PWP1: variants seen among roughly 807,000 people sequenced by gnomAD.
PWP1 encodes the protein PWP1 homolog, endonuclein.
A neutral mutation model predicts 69.9 loss-of-function variants in PWP1; 47 were observed. That is an observed-to-expected ratio of 0.67 (90% CI 0.53 to 0.86). The LOEUF (loss-of-function observed/expected upper bound fraction) is 0.86. Ranked by LOEUF, PWP1 falls within the 40% of genes least tolerant of loss-of-function variation. The pLI is 0.00. For missense variants in PWP1, 551 were observed against 608.8 expected (o/e 0.91, Z 1.00); for synonymous variants, 222 against 208.2 (o/e 1.07, Z -0.57).
chr12:107,691,735 A>G (rs1889483108), intron 3 of PWP1, among the ~76,000 whole-genome samples: 2 of 152,134 alleles, frequency 1.3e-5, no homozygotes, highest in Non-Finnish European at 2.9e-5. Flanking sequence ...TCCTCACTCC[A>G]TCTGAATTGA....
chr12:107,702,744 A>G (rs561171729), intron 8 of PWP1, among the ~76,000 whole-genome samples, 191 bp from the exon 9 acceptor site: 48 of 152,298 alleles, frequency 3.2e-4, no homozygotes, highest in Non-Finnish European at 5.7e-4. Flanking sequence ...GTTTCTTTCC[A>G]CTTATTTAGA....
chr12:107,702,859 T>G, intron 8 of PWP1, 76 bp from the exon 9 acceptor site: 1 of 897,928 alleles, frequency 1.1e-6, no homozygotes, highest in Non-Finnish European at 1.9e-6. Context: ...GATGCTATTG[T>G]AAATGCAATC....
chr12:107,711,126 G>A (rs1475211698), intron 14 of PWP1, among the ~76,000 whole-genome samples: 1 of 152,180 alleles, frequency 6.6e-6, no homozygotes, highest in Non-Finnish European at 1.5e-5. Flanking sequence ...TTAACTAAAA[G>A]TATCCCTTAT....
chr12:107,706,735 C>G (rs901828588), intron 11 of PWP1, among the ~76,000 whole-genome samples: 3 of 152,134 alleles, frequency 2.0e-5, no homozygotes, highest in African/African-American at 7.2e-5. Flanking sequence ...TTTCTGAGGG[C>G]TCTGTTCTGT....
At chr12:107,701,506 T>C (rs752164567) in intron 8 of PWP1, among the ~76,000 whole-genome samples, 8 of 152,230 alleles carry the variant, frequency 5.3e-5, no homozygotes, top group Non-Finnish European at 1.0e-4. Flanking sequence ...TAGCAAACCA[T>C]CGCTTAAGTC....
At position 107,692,831 on chromosome 12, in the gene PWP1, G is replaced by C; in HGVS notation, c.337G>C (p.Glu113Gln). 1 of 1,613,160 alleles carries C rather than the reference G, an allele frequency of 6.2e-7. No homozygotes were observed. Among genetic ancestry groups the C allele is most frequent in the Non-Finnish European group, 8.5e-7 (1 of 1,179,536 alleles). ...EGDPDAETLG[E>Q]SLLGLTVYGS... ...TCTTACAGATGCTGAGACTCTTGGTGAATCTCTCTTGGGTCTTACGGTCTA... is the reference window on the plus strand; with the variant it reads ...TCTTACAGATGCTGAGACTCTTGGTCAATCTCTCTTGGGTCTTACGGTCTA... The change falls in exon 4 of 15, where the codon GAA (glutamate) becomes CAA (glutamine). Residue 113 changes from glutamate (E) to glutamine (Q), a missense_variant. Physicochemically the swap from Glu to Gln is conservative, Grantham distance 29 (BLOSUM62 2). Transcript: ENST00000412830.
Position 107,697,560 on chromosome 12 carries a change from G to T in PWP1, c.707G>T (p.Ser236Ile), listed in dbSNP as rs749581735. The T allele has an allele frequency of 2.0e-5, 32 of 1,606,650 alleles. No homozygotes were observed. The highest frequency in any genetic ancestry group is 4.2e-6 in the Non-Finnish European group (5 of 1,177,694). The change falls in exon 7 of 15, where the codon AGT (serine) becomes ATT (isoleucine). Residue 236 changes from serine (S) to isoleucine (I), a missense_variant. Coordinates refer to ENST00000412830, the MANE Select transcript of PWP1 (RefSeq NM_007062.3). Reference sequence around the variant, plus strand: ...TTAGAGCCAGTCTTCACACTCGGAAGTAAACTTTCAAAAAAGAAGAAAAAG... The same window carrying T: ...TTAGAGCCAGTCTTCACACTCGGAATTAAACTTTCAAAAAAGAAGAAAAAG... ...DSLEPVFTLG[S>I]KLSKKKKKKG...
rs1203501895 is a variant in PWP1 at position 107,712,194 on chromosome 12, A to C, written c.1480A>C (p.Ser494Arg). Residue 494 changes from serine to arginine, a missense_variant, in exon 15 of 15, where the codon AGC (serine) becomes CGC (arginine). Ser to Arg is a moderately radical substitution (Grantham distance 110). Coordinates refer to ENST00000412830, the MANE Select transcript of PWP1 (RefSeq NM_007062.3). ...SSISGPFGSR[S>R]SDTPMES is the part of the protein sequence containing the mutation. Reference sequence around the variant, plus strand: ...TATTAGTGGCCCTTTTGGCAGCAGGAGCTCAGATACACCCATGGAGTCTTA... The same window carrying C: ...TATTAGTGGCCCTTTTGGCAGCAGGCGCTCAGATACACCCATGGAGTCTTA... 6.2e-7 allele frequency: 1 copy of C among 1,613,640 alleles called. No homozygotes were observed. The highest frequency in any genetic ancestry group is 1.3e-5 in the African/African-American group (1 of 75,030).
chr12:107,694,690 T>C (rs1889548448), intron 5 of PWP1, among the ~76,000 whole-genome samples: 1 of 152,240 alleles, frequency 6.6e-6, no homozygotes, highest in Admixed American at 6.5e-5. Context: ...TATTAGAGTT[T>C]TTTTTGTCAT....
At chr12:107,685,994 C>A (rs781179045) in intron 1 of PWP1, 23 bp downstream of exon 1, 1 of 1,612,474 alleles carries the variant, frequency 6.2e-7, no homozygotes, top group Non-Finnish European at 8.5e-7. Context: ...CGCTGGGAGA[C>A]AAGGGGAGCA....
At position 107,712,899 on chromosome 12, in the gene PWP1, T is replaced by A. The variant is rs1458388433; in HGVS notation, c.*679T>A. 2 of 152,224 alleles carry A rather than the reference T, an allele frequency of 1.3e-5. No individual in the cohort carries two copies. The highest frequency in any genetic ancestry group is 2.9e-5 in the Non-Finnish European group (2 of 68,044). 9.4% of individuals were successfully genotyped at this position (152,224 alleles called of 1,614,324 possible). A position where few individuals can be genotyped will look rare whatever the true frequency, so the allele number is the denominator to read the frequency against. On this transcript the variant is annotated 3_prime_UTR_variant, in exon 15 of 15. Transcript: ENST00000412830. The stretch of plus-strand genomic sequence containing the variant: ...GCTCTCCACCTAACAAGGGACAGTT[T>A]TAATTATAGATTGTCTTCCTATTAA...
chr12:107,711,994 T>C (rs1889961670), intron 14 of PWP1, 117 bp from the exon 15 acceptor site: 2 of 714,732 alleles, frequency 2.8e-6, no homozygotes, highest in Non-Finnish European at 4.7e-6. Context: ...TCTGAGTTGG[T>C]TACTCACTTT....
intron 13 of PWP1, among the ~76,000 whole-genome samples, 196 bp downstream of exon 13, chr12:107,709,428 T>TG (rs1889897685): frequency 6.6e-6 from 1 of 152,126 alleles, no homozygotes; most frequent in South Asian, 2.1e-4. Flanking sequence ...ATTCAGTGAC[T>TG]GGTTCTTTTC....
rs922754947 is a variant in PWP1 at position 107,688,855 on chromosome 12, C to T, written c.319+53C>T. On this transcript the variant is annotated intron_variant, in intron 3 of 14. Transcript: ENST00000412830. ...TAATTACAAGCTCAATATGTTGGAT[C>T]ATGTTTGTGGTGTTCCAAAGCTTTA... The T allele has an allele frequency of 7.8e-6, 12 of 1,531,734 alleles. No individual in the cohort carries two copies. In the Admixed American group the frequency reaches 1.1e-4, roughly 14 times the overall value. 94.9% of individuals were successfully genotyped at this position (1,531,734 alleles called of 1,614,324 possible).
At position 107,703,914 on chromosome 12, in the gene PWP1, C is replaced by T. The variant is rs148117877; in HGVS notation, c.965+168C>T. ...TAACTCTGGTCCTTTCAGTCTACAA[C>T]GGAACATGATTCTGTCATAATAATA... On this transcript the variant is annotated intron_variant, in intron 10 of 14. Transcript: ENST00000412830. 6.7e-4 allele frequency among the ~76,000 whole-genome samples: 102 copies of T among 152,308 alleles called. 1 individual carries two copies. The highest frequency in any genetic ancestry group is 2.2e-3 in the African/African-American group (93 of 41,562).
At chr12:107,709,044 TTTC>T in intron 12 of PWP1, 28 bp downstream of exon 12, 5 of 1,613,618 alleles carry the variant, frequency 3.1e-6, no homozygotes, top group Non-Finnish European at 4.2e-6. Context: ...TTCTTTCATT[TTTC>T]TTAACTTATG....
In PWP1 at chr12:107,709,146, G is replaced by A. The variant is rs992666695; in HGVS notation, c.1204G>A (p.Val402Met). ...DLSSQIKGCL[V>M]TASADKYVKI... Reference sequence around the variant, plus strand: ...TAGCAGTCAAATCAAGGGCTGTCTCGTGACTGCTTCAGCTGACAAATACGT... The same window carrying A: ...TAGCAGTCAAATCAAGGGCTGTCTCATGACTGCTTCAGCTGACAAATACGT... Residue 402 changes from valine (V) to methionine (M), a missense_variant, in exon 13 of 15, where the codon GTG (valine) becomes ATG (methionine). Physicochemically the swap from Val to Met is conservative, Grantham distance 21 (BLOSUM62 1). Coordinates refer to ENST00000412830, the MANE Select transcript of PWP1 (RefSeq NM_007062.3). 1.9e-5 allele frequency: 31 copies of A among 1,613,748 alleles called. No individual in the cohort carries two copies. The highest frequency in any genetic ancestry group is 2.2e-5 in the East Asian group (1 of 44,876).
intron 8 of PWP1, among the ~76,000 whole-genome samples, chr12:107,701,714 T>A (rs529377009): frequency 1.3e-5 from 2 of 152,330 alleles, no homozygotes; most frequent in South Asian, 4.1e-4. Context: ...GGTCTTACTC[T>A]GTCACCCAGG....
intron 5 of PWP1, among the ~76,000 whole-genome samples, chr12:107,694,289 C>T (rs1889541025): frequency 6.6e-6 from 1 of 152,200 alleles, no homozygotes; most frequent in African/African-American, 2.4e-5. Flanking sequence ...CCCCAGCAGT[C>T]TTCAGATCGT....
Sources: allele counts gnomAD v4.1 joint callset (sites outside exome capture counted in the v4.1 genomes callset), GRCh38; gene constraint gnomAD v4.1.1; transcripts MANE v1.5; gene names NCBI Gene and HGNC (gene_info 2026-07-23, HGNC 2026-07-21).